The following HDAC9 variants were observed in gnomAD, a reference collection of about 807,000 sequenced individuals.
HDAC9 encodes MEF-2 interacting transcription repressor (MITR) protein.
A neutral mutation model predicts 139.4 loss-of-function variants in HDAC9; 41 were observed. That is an observed-to-expected ratio of 0.29 (90% CI 0.23 to 0.38). The LOEUF is 0.38. Ranked by LOEUF, HDAC9 falls within the 10% of genes least tolerant of loss-of-function variation. The pLI is 1.00. For missense variants in HDAC9, 1,147 were observed against 1,297.0 expected, an observed-to-expected ratio of 0.88 and a Z score of 1.78; for synonymous variants, 517 against 476.2, an observed-to-expected ratio of 1.09 and a Z score of -1.12.
intron 2 of HDAC9, among the ~76,000 whole-genome samples, chr7:18,173,465 A>G (rs1356679820): frequency 6.6e-6 from 1 of 152,110 alleles, no homozygotes; most frequent in Non-Finnish European, 1.5e-5. Flanking sequence ...TAAGGTTAAT[A>G]TTGTTATGTG....
chr7:18,898,010 AG>A (rs529391064), intron 22 of HDAC9, among the ~76,000 whole-genome samples: 131 of 152,014 alleles, frequency 8.6e-4, no homozygotes, highest in African/African-American at 3.0e-3. Flanking sequence ...ATGCATGAAT[AG>A]TAAAATATAT....
intron 1 of HDAC9, among the ~76,000 whole-genome samples, chr7:18,392,890 G>T (rs1450982225): frequency 7.2e-6 from 1 of 139,384 alleles, no homozygotes; most frequent in South Asian, 2.3e-4. Context: ...TCACTAAAAA[G>T]GTGTGAATGT....
chr7:18,732,597 ATATG>A (rs1562891599), intron 13 of HDAC9, among the ~76,000 whole-genome samples: 1 of 139,110 alleles, frequency 7.2e-6, no homozygotes, highest in East Asian at 2.3e-4. Flanking sequence ...ACACACGTGT[ATATG>A]TGTGCATATG....
rs111613974 is a variant in HDAC9, at chr7:18,964,259, C to T, written c.3022+10029C>T. 9.2e-3 allele frequency among the ~76,000 whole-genome samples: 1,394 copies of T among 152,264 alleles called. 6 individuals carry two copies. Among genetic ancestry groups the T allele is most frequent in the Non-Finnish European group, 0.013 (891 of 68,020 alleles). On this transcript the variant is annotated intron_variant, in intron 24 of 25. Transcript: ENST00000686413. Reference sequence around the variant, plus strand: ...TCCTCAAGACCTTCATATATTTTTTCCTGCTATTCCTCTTTGACTACTTAA... The same window carrying T: ...TCCTCAAGACCTTCATATATTTTTTTCTGCTATTCCTCTTTGACTACTTAA...
chr7:18,778,619 G>C (rs1243871156), intron 16 of HDAC9, among the ~76,000 whole-genome samples: 2 of 152,028 alleles, frequency 1.3e-5, no homozygotes, highest in African/African-American at 4.8e-5. Context: ...CTGACCAGCA[G>C]TTCACTGAAA....
At chr7:18,980,661 CTTG>C (rs1784845907) in intron 25 of HDAC9, among the ~76,000 whole-genome samples, 1 of 84,994 alleles carries the variant, frequency 1.2e-5, no homozygotes, top group African/African-American at 4.4e-5. Context: ...TACACTTTTT[CTTG>C]TTCTTCTTGT....
At chr7:18,835,332 A>T in intron 19 of HDAC9, 135 bp from the exon 20 acceptor site, 1 of 992,720 alleles carries the variant, frequency 1.0e-6, no homozygotes, top group Non-Finnish European at 1.4e-6. Flanking sequence ...AGGGAGAAAG[A>T]AAAGAGGAAC....
At chr7:18,274,117 G>A (rs184561631) in intron 2 of HDAC9, among the ~76,000 whole-genome samples, 1 of 152,244 alleles carries the variant, frequency 6.6e-6, no homozygotes, top group African/African-American at 2.4e-5. Flanking sequence ...AAAGGGACAT[G>A]TACAGGAATA....
intron 14 of HDAC9, 76 bp from the exon 15 acceptor site, chr7:18,762,081 T>C: frequency 1.3e-6 from 2 of 1,493,098 alleles, no homozygotes; most frequent in Non-Finnish European, 1.9e-6. Context: ...TTAATCATCT[T>C]AAATGTGACT....
chr7:18,582,092 T>A (rs2128786302), intron 2 of HDAC9, among the ~76,000 whole-genome samples: 1 of 152,286 alleles, frequency 6.6e-6, no homozygotes, highest in African/African-American at 2.4e-5. Context: ...AGCAAGGACA[T>A]TTAAGTATAT....
intron 16 of HDAC9, among the ~76,000 whole-genome samples, chr7:18,779,576 A>G (rs1394243258): frequency 6.6e-6 from 1 of 152,028 alleles, no homozygotes; most frequent in Non-Finnish European, 1.5e-5. Flanking sequence ...CCTGAGTCTG[A>G]GAAACCAGCA....
chr7:18,236,259 T>C (rs1793807664), intron 2 of HDAC9, among the ~76,000 whole-genome samples: 1 of 152,172 alleles, frequency 6.6e-6, no homozygotes, highest in African/African-American at 2.4e-5. Context: ...ACCTCAGACC[T>C]GCACACACTG....
chr7:18,356,624 T>G (rs1164632809), intron 1 of HDAC9, among the ~76,000 whole-genome samples: 2 of 152,098 alleles, frequency 1.3e-5, no homozygotes, highest in Non-Finnish European at 2.9e-5. Flanking sequence ...CAGTTGAAAC[T>G]TTCACAACCT....
chr7:18,140,650 G>C (rs905496093), intron 1 of HDAC9, among the ~76,000 whole-genome samples: 5 of 152,028 alleles, frequency 3.3e-5, no homozygotes, highest in Admixed American at 3.3e-4. Flanking sequence ...TTTAAAATAA[G>C]TTATTGGTTG....
chr7:18,493,538 G>A (rs866802165), upstream of HDAC9, among the ~76,000 whole-genome samples: 2 of 151,730 alleles, frequency 1.3e-5, no homozygotes, highest in Admixed American at 6.6e-5. Context: ...AGCCTCCTTC[G>A]TTTCCTCATG....
chr7:18,648,170 T>G (rs1458223133), intron 10 of HDAC9, among the ~76,000 whole-genome samples, 172 bp downstream of exon 10: 2 of 152,120 alleles, frequency 1.3e-5, no homozygotes, highest in Non-Finnish European at 2.9e-5. Context: ...TTCCTTCAGA[T>G]CCACTTGGGG....
chr7:18,565,687 G>T (rs1822092571), intron 2 of HDAC9, among the ~76,000 whole-genome samples: 1 of 152,070 alleles, frequency 6.6e-6, no homozygotes, highest in South Asian at 2.1e-4. Flanking sequence ...AAACAAAGGT[G>T]CATTTTGAAA....
At chr7:18,672,966 C>CT (rs761187487) in intron 12 of HDAC9, among the ~76,000 whole-genome samples, 21 of 151,934 alleles carry the variant, frequency 1.4e-4, no homozygotes, top group Non-Finnish European at 3.1e-4. Context: ...GATACTGTTA[C>CT]TTTTTTCTTC....
intron 12 of HDAC9, among the ~76,000 whole-genome samples, chr7:18,690,782 T>C (rs1288732012): frequency 6.6e-6 from 1 of 152,060 alleles, no homozygotes; most frequent in African/African-American, 2.4e-5. Context: ...ACGTACGGCA[T>C]GCAACTAGCA....
Sources: allele counts gnomAD v4.1 joint callset (sites outside exome capture counted in the v4.1 genomes callset), GRCh38; gene constraint gnomAD v4.1.1; transcripts MANE v1.5; gene names NCBI Gene and HGNC (gene_info 2026-07-23, HGNC 2026-07-21).